CACNA1A: variants seen among roughly 807,000 people sequenced by gnomAD.
CACNA1A encodes calcium voltage-gated channel subunit alpha1 A, also known as voltage-dependent P/Q-type calcium channel subunit alpha-1A.
A neutral mutation model predicts 262.4 loss-of-function variants in CACNA1A; 57 were observed. The observed-to-expected ratio is 0.22, with a 90% confidence interval of 0.18 to 0.27. CACNA1A has a LOEUF of 0.27. CACNA1A is among the 10% of genes least tolerant of loss of function. The pLI is 1.00. For missense variants in CACNA1A, 2,526 were observed against 3,562.8 expected, an observed-to-expected ratio of 0.71 and a Z score of 7.41; for synonymous variants, 1,431 against 1,419.3, an observed-to-expected ratio of 1.01 and a Z score of -0.18.
chr19:13,424,839 C>T (rs1253809848), intron 3 of CACNA1A, among the ~76,000 whole-genome samples: 1 of 151,950 alleles, frequency 6.6e-6, no homozygotes, highest in Non-Finnish European at 1.5e-5. Flanking sequence ...GAGTCTCGTC[C>T]TGTCACCCAG....
chr19:13,497,503 AAAAAAAAAAAAAAAAAAAAT>A (rs1981699466), intron 1 of CACNA1A, among the ~76,000 whole-genome samples: 2 of 38,800 alleles, frequency 5.2e-5, no homozygotes, highest in African/African-American at 1.0e-4. Flanking sequence ...AAAAAAAAAA[AAAAAAAAAAAAAAAAAAAAT>A]ATATATATAT....
rs148550259 is a variant in CACNA1A, at chr19:13,382,648, C to T, written c.540-10869G>A. ...CAGGAAGGGATGTGATTAGGGTTGG[C>T]GTTCAGAAGACAAGCCTGACAGCTG... On this transcript the variant is annotated intron_variant, in intron 3 of 46. Transcript: ENST00000360228. 5.7e-4 allele frequency among the ~76,000 whole-genome samples: 87 copies of T among 152,198 alleles called. 1 individual carries two copies. The East Asian group carries it at 0.011, about 19-fold the overall frequency.
At chr19:13,237,142 G>C (rs1318172132) in intron 31 of CACNA1A, among the ~76,000 whole-genome samples, 2 of 152,096 alleles carry the variant, frequency 1.3e-5, no homozygotes, top group Admixed American at 1.3e-4. Flanking sequence ...TTTTAGAAAT[G>C]GCACTTGCTT....
chr19:13,284,892 A>AT (rs1359967947), intron 21 of CACNA1A, among the ~76,000 whole-genome samples, 176 bp downstream of exon 21: 3 of 152,198 alleles, frequency 2.0e-5, no homozygotes, highest in African/African-American at 7.2e-5. Context: ...AACAAAGTAT[A>AT]TTGTGACAAA....
In CACNA1A at chr19:13,209,445, C is replaced by T; in HGVS notation, c.6393G>A (p.Lys2131=). Residue 2131 remains lysine, a synonymous_variant, in exon 45 of 47, where the codon AAG becomes AAA. Transcript: ENST00000360228. The part of the protein sequence containing the change: ...MKRSASVLGP[K]ARRLDDYSLE... ...GCGAGTAATCGTCCAGGCGTCGGGC[C>T]TTGGGGCCCAGCACGGAGGCTGAAC... 1 of 1,378,236 alleles carries T rather than the reference C, an allele frequency of 7.3e-7. No homozygotes were observed. Among genetic ancestry groups the T allele is most frequent in the South Asian group, 1.9e-5 (1 of 51,750 alleles). The allele number at this position is 1,378,236 out of a possible 1,614,324, so 85.4% of individuals were successfully genotyped here.
At chr19:13,431,981 T>G (rs1260268105) in intron 3 of CACNA1A, among the ~76,000 whole-genome samples, 1 of 151,472 alleles carries the variant, frequency 6.6e-6, no homozygotes, top group Non-Finnish European at 1.5e-5. Flanking sequence ...GGTGCACACC[T>G]CTAGTCCCAG....
chr19:13,229,184 C>G (rs1326507175), intron 36 of CACNA1A: 1 of 160,062 alleles, frequency 6.2e-6, no homozygotes, highest in African/African-American at 2.4e-5. Flanking sequence ...TCTCCCCAGC[C>G]TCTCGGTCTC....
intron 1 of CACNA1A, among the ~76,000 whole-genome samples, chr19:13,497,531 T>C (rs1209987242): frequency 2.2e-3 from 3 of 1,340 alleles, no homozygotes; most frequent in Non-Finnish European, 3.6e-3. Flanking sequence ...AATATATATA[T>C]ATATATATAT....
intron 1 of CACNA1A, among the ~76,000 whole-genome samples, chr19:13,482,635 G>A (rs1425398528): frequency 2.0e-5 from 3 of 152,072 alleles, no homozygotes; most frequent in African/African-American, 7.2e-5. Context: ...CAGTCAGATG[G>A]ACCATGGGTA....
At chr19:13,280,922 C>A (rs547076265) in intron 22 of CACNA1A, among the ~76,000 whole-genome samples, 3 of 113,842 alleles carry the variant, frequency 2.6e-5, no homozygotes, top group Admixed American at 1.3e-4. Flanking sequence ...GCCTGGGTGA[C>A]AGAGCAAGAC....
intron 3 of CACNA1A, among the ~76,000 whole-genome samples, chr19:13,445,585 C>G (rs1359682158): frequency 6.6e-6 from 1 of 152,168 alleles, no homozygotes; most frequent in Non-Finnish European, 1.5e-5. Flanking sequence ...TGTGCTCACC[C>G]CTCTCTGGTG....
intron 3 of CACNA1A, among the ~76,000 whole-genome samples, chr19:13,448,238 T>C (rs1599477404): frequency 6.6e-6 from 1 of 152,248 alleles, no homozygotes; most frequent in Middle Eastern, 3.4e-3. Context: ...CCATTATCCT[T>C]AGCAAACTAA....
chr19:13,386,471 T>C (rs1429766476), intron 3 of CACNA1A, among the ~76,000 whole-genome samples: 1 of 152,098 alleles, frequency 6.6e-6, no homozygotes, highest in Non-Finnish European at 1.5e-5. Context: ...TCTACGTGGA[T>C]GGCTGGGTAA....
rs770047288 is a variant in CACNA1A, at chr19:13,427,457, T to TAAAG, written c.539+25418_539+25419insCTTT. Among the ~76,000 whole-genome samples, 16 of 112,952 alleles carry TAAAG rather than the reference T, an allele frequency of 1.4e-4. No homozygotes were observed. In the Admixed American group the frequency reaches 1.6e-3, roughly 11 times the overall value. The allele number at this position is 112,952 out of a possible 152,430, so 74.1% of individuals were successfully genotyped here. On this transcript the variant is annotated intron_variant, in intron 3 of 46. Transcript: ENST00000360228. Reference sequence around the variant, plus strand: ...AGAAGAGCGAAACTCCATCTCAAAATAAATAAATAAATAAATAAATAAATA... The same window carrying TAAAG: ...AGAAGAGCGAAACTCCATCTCAAAATAAAGAAATAAATAAATAAATAAATAAATA...
At chr19:13,385,089 G>T (rs1459314932) in intron 3 of CACNA1A, among the ~76,000 whole-genome samples, 1 of 152,124 alleles carries the variant, frequency 6.6e-6, no homozygotes, top group Non-Finnish European at 1.5e-5. Context: ...AAATTCGCTT[G>T]TACCAGTCAC....
intron 18 of CACNA1A, 145 bp downstream of exon 18, chr19:13,300,405 G>A: frequency 1.6e-6 from 1 of 643,494 alleles, no homozygotes; most frequent in Non-Finnish European, 2.8e-6. Flanking sequence ...TATTTATTGA[G>A]TGAAAGTGGG....
chr19:13,466,892 A>G (rs951878041), intron 1 of CACNA1A, among the ~76,000 whole-genome samples: 1 of 149,816 alleles, frequency 6.7e-6, no homozygotes, highest in Non-Finnish European at 1.5e-5. Context: ...TTATTTATTT[A>G]TTTATTTATT....
rs377220050 is a variant in CACNA1A at position 13,308,649 on chromosome 19, G to C, written c.1669-121C>G. ...AAACTCCTCCCTCCAAATGGAAGCC[G>C]GGTGAGGATCCTTGACCCCCTCATT... On this transcript the variant is annotated intron_variant, in intron 12 of 46. Coordinates refer to ENST00000360228, the MANE Select transcript of CACNA1A (RefSeq NM_001127222.2). This position sits in a 1 kb window ranked among gnomAD's most constrained non-coding sequence, Gnocchi z 4.2. The C allele has an allele frequency of 1.6e-5, 10 of 610,440 alleles. No homozygotes were observed. Among genetic ancestry groups the C allele is most frequent in the African/African-American group, 1.5e-4 (8 of 53,876 alleles). The allele number at this position is 610,440 out of a possible 1,614,324, so 37.8% of individuals were successfully genotyped here.
intron 6 of CACNA1A, among the ~76,000 whole-genome samples, chr19:13,346,639 TATATATATATATATATATATA>T (rs1568557174): frequency 0.016 from 144 of 8,838 alleles, 8 homozygotes; most frequent in Non-Finnish European, 0.024. Flanking sequence ...TATATATATA[TATATATATATATATATATATA>T]TATATATTTT....
Sources: allele counts gnomAD v4.1 joint callset (sites outside exome capture counted in the v4.1 genomes callset), GRCh38; gene constraint gnomAD v4.1.1; non-coding constraint Gnocchi (gnomAD v3.1); transcripts MANE v1.5; gene names NCBI Gene and HGNC (gene_info 2026-07-23, HGNC 2026-07-21).